CAMK2D: variants seen among roughly 807,000 people sequenced by gnomAD.
CAMK2D encodes the protein calcium/calmodulin-dependent protein kinase type II subunit delta.
CAMK2D carries 37 observed loss-of-function variants against 84.0 expected under a neutral mutation model. The ratio of observed to expected loss-of-function variants is 0.44; its 90% CI spans 0.34 to 0.58. The LOEUF (loss-of-function observed/expected upper bound fraction) is 0.58. CAMK2D is among the 20% of genes least tolerant of loss of function. The probability of loss-of-function intolerance (pLI) is 0.02; values close to 1 mark genes in which losing one functional copy is unlikely to be tolerated. For synonymous variants in CAMK2D, 202 were observed against 212.5 expected, an observed-to-expected ratio of 0.95 and a Z score of 0.43; for missense variants, 448 against 652.5, an observed-to-expected ratio of 0.69 and a Z score of 3.41.
intron 4 of CAMK2D, among the ~76,000 whole-genome samples, chr4:113,593,012 C>T (rs1020852407): frequency 2.6e-5 from 4 of 152,090 alleles, no homozygotes; most frequent in African/African-American, 9.7e-5. Flanking sequence ...TGCCACCATG[C>T]CTGGCAAATT....
At chr4:113,544,823 T>C (rs1591005858) in intron 6 of CAMK2D, among the ~76,000 whole-genome samples, 1 of 152,150 alleles carries the variant, frequency 6.6e-6, no homozygotes, top group East Asian at 1.9e-4. Context: ...CAAAAGGCTG[T>C]GGTCCATGTA....
chr4:113,505,464 T>C (rs888981071), intron 13 of CAMK2D, among the ~76,000 whole-genome samples: 2 of 152,178 alleles, frequency 1.3e-5, no homozygotes, highest in Admixed American at 1.3e-4. Flanking sequence ...CACACATACA[T>C]CTTTCTCTGG....
At chr4:113,619,625 G>A (rs12500935) in intron 3 of CAMK2D, among the ~76,000 whole-genome samples, 15,429 of 152,150 alleles carry the variant, frequency 0.1, 1,284 homozygotes, top group East Asian at 0.33. Flanking sequence ...TCCTCTGCCT[G>A]GAATTATTTC....
chr4:113,698,584 T>A (rs111511288), intron 2 of CAMK2D, among the ~76,000 whole-genome samples: 14 of 152,232 alleles, frequency 9.2e-5, no homozygotes, highest in African/African-American at 3.4e-4. Context: ...ATTTAAAATA[T>A]TTTACAAATA....
Position 113,514,675 on chromosome 4 carries a change from C to A in CAMK2D, c.819+394G>T, listed in dbSNP as rs543371858. 2.0e-5 allele frequency among the ~76,000 whole-genome samples: 3 copies of A among 152,272 alleles called. No individual in the cohort carries two copies. The South Asian group carries it at 6.2e-4, about 32-fold the overall frequency. ...ATTATTTTACGCCACTGAAACTCTA[C>A]TGTCAGCTGCCAAACTTCATACTTG... On this transcript the variant is annotated intron_variant, in intron 10 of 20. Transcript: ENST00000511664.
intron 2 of CAMK2D, among the ~76,000 whole-genome samples, chr4:113,688,908 T>G (rs916203986): frequency 3.7e-5 from 1 of 26,890 alleles, no homozygotes; most frequent in Non-Finnish European, 7.2e-5. Context: ...ACAAAGAAGA[T>G]GCAAAAAAAA....
rs115479086 is a variant in CAMK2D at position 113,726,872 on chromosome 4, C to T, written c.160+32448G>A. ...TTTTGGAAAACAATTTTTTTTGAAACCCGATACAGTTCTGAAGTTTTAACC... is the reference window on the plus strand; with the variant it reads ...TTTTGGAAAACAATTTTTTTTGAAATCCGATACAGTTCTGAAGTTTTAACC... On this transcript the variant is annotated intron_variant, in intron 2 of 20. Coordinates refer to ENST00000511664, the MANE Select transcript of CAMK2D (RefSeq NM_001321571.2). Among the ~76,000 whole-genome samples, 1,177 of 152,126 alleles carry T rather than the reference C, an allele frequency of 7.7e-3. 21 individuals carry two copies. The highest frequency in any genetic ancestry group is 0.027 in the African/African-American group (1,100 of 41,476).
chr4:113,546,169 T>G (rs914137446), intron 6 of CAMK2D, among the ~76,000 whole-genome samples: 2 of 152,188 alleles, frequency 1.3e-5, no homozygotes, highest in Admixed American at 6.5e-5. Flanking sequence ...TATAGAAGTG[T>G]CTGAAAAAAA....
At chr4:113,627,919 T>C (rs1337094500) in intron 3 of CAMK2D, among the ~76,000 whole-genome samples, 1 of 152,136 alleles carries the variant, frequency 6.6e-6, no homozygotes, top group African/African-American at 2.4e-5. Context: ...CAAATAAATT[T>C]TCCAAGAGCA....
chr4:113,538,096 G>A (rs1324463123), intron 6 of CAMK2D, among the ~76,000 whole-genome samples: 1 of 151,238 alleles, frequency 6.6e-6, no homozygotes, highest in Non-Finnish European at 1.5e-5. Context: ...TTCTTTATAA[G>A]CCAGCTTTTA....
At chr4:113,558,378 T>C (rs776908448) in intron 4 of CAMK2D, among the ~76,000 whole-genome samples, 1 of 152,164 alleles carries the variant, frequency 6.6e-6, no homozygotes, top group Non-Finnish European at 1.5e-5. Context: ...ATTTTTATTA[T>C]GGCCTCGATA....
At chr4:113,744,903 C>T (rs759494836) in intron 2 of CAMK2D, among the ~76,000 whole-genome samples, 1 of 152,122 alleles carries the variant, frequency 6.6e-6, no homozygotes, top group Non-Finnish European at 1.5e-5. Context: ...TTGTGTATAC[C>T]TCAAATACAT....
At chr4:113,561,068 T>C (rs984258075) in intron 4 of CAMK2D, among the ~76,000 whole-genome samples, 1 of 152,134 alleles carries the variant, frequency 6.6e-6, no homozygotes, top group Admixed American at 6.5e-5. Flanking sequence ...GGAGTTCAAC[T>C]GCAAAGAGGA....
intron 4 of CAMK2D, among the ~76,000 whole-genome samples, chr4:113,555,907 A>G (rs1409012979): frequency 6.6e-6 from 1 of 152,144 alleles, no homozygotes; most frequent in Non-Finnish European, 1.5e-5. Flanking sequence ...AAGGGACTCC[A>G]GAGAGCTCTC....
intron 2 of CAMK2D, among the ~76,000 whole-genome samples, chr4:113,722,652 TC>T (rs1202845505): frequency 6.6e-6 from 1 of 152,094 alleles, no homozygotes; most frequent in African/African-American, 2.4e-5. Flanking sequence ...TTATGAATAA[TC>T]ATATTGGGGA....
intron 16 of CAMK2D, among the ~76,000 whole-genome samples, chr4:113,489,659 T>A (rs200469843): frequency 0.16 from 23,157 of 148,346 alleles, 2,019 homozygotes; most frequent in East Asian, 0.36. Context: ...ATACACCCAG[T>A]AATGGGATGG....
At chr4:113,724,346 A>G (rs1308744020) in intron 2 of CAMK2D, among the ~76,000 whole-genome samples, 1 of 151,782 alleles carries the variant, frequency 6.6e-6, no homozygotes, top group South Asian at 2.1e-4. Context: ...CACTCTGAAA[A>G]TTATGTTTGG....
Position 113,465,560 on chromosome 4 carries a change from C to T in CAMK2D, c.1180G>A (p.Ala394Thr). The T allele has an allele frequency of 6.2e-7, 1 of 1,613,276 alleles. No homozygotes were observed. ...GCTTCAAAGTCCCCATTGTTGATAG[C>T]TTCGATCAGTTGTTCAGTGACTTTG... ...IIKVTEQLIE[A>T]INNGDFEAYT... is the part of the protein sequence containing the mutation. The change falls in exon 17 of 21, where the codon GCT (alanine) becomes ACT (threonine). Residue 394 changes from alanine (A) to threonine (T), a missense_variant. Transcript: ENST00000511664.
chr4:113,644,358 C>T (rs1168665726), intron 3 of CAMK2D, among the ~76,000 whole-genome samples: 2 of 152,156 alleles, frequency 1.3e-5, no homozygotes, highest in African/African-American at 2.4e-5. Context: ...ATTCTAGAAG[C>T]AGCACTTGTG....
Sources: gnomAD v4.1 joint callset for allele counts (sites outside exome capture counted in the v4.1 genomes callset) on GRCh38, gnomAD v4.1.1 for gene constraint, MANE v1.5 for transcripts, NCBI Gene and HGNC (gene_info 2026-07-23, HGNC 2026-07-21) for gene names.